ZFAT: variants seen among roughly 807,000 people sequenced by gnomAD.
The protein encoded by ZFAT is zinc finger protein ZFAT.
In ZFAT, 64 loss-of-function variants were observed where a neutral mutation model predicts 117.7. The ratio of observed to expected loss-of-function variants is 0.54; its 90% confidence interval spans 0.44 to 0.67. The LOEUF (loss-of-function observed/expected upper bound fraction) is 0.67, where lower values mean the gene tolerates loss of function less well. Among genes scored for constraint, ZFAT ranks in the 30% least tolerant of loss-of-function variants. The pLI, the probability that ZFAT is intolerant of heterozygous loss-of-function variation, is 0.00. For missense variants in ZFAT, 1,433 were observed against 1,584.5 expected (o/e 0.90, Z 1.62); for synonymous variants, 679 against 615.0 (o/e 1.10, Z -1.54).
chr8:134,713,704 T>C (rs929713726), upstream of ZFAT, among the ~76,000 whole-genome samples: 2 of 152,152 alleles, frequency 1.3e-5, no homozygotes, highest in African/African-American at 4.8e-5. Flanking sequence ...CTGGTGGAAA[T>C]TTAATGACTT....
At chr8:134,582,830 T>G (rs1238937780) in intron 10 of ZFAT, among the ~76,000 whole-genome samples, 1 of 152,230 alleles carries the variant, frequency 6.6e-6, no homozygotes, top group Non-Finnish European at 1.5e-5. Context: ...AAGAGCTATA[T>G]CATCCACTAA....
At chr8:134,711,060 T>C (rs1159550429) in intron 1 of ZFAT, among the ~76,000 whole-genome samples, 1 of 152,262 alleles carries the variant, frequency 6.6e-6, no homozygotes, top group African/African-American at 2.4e-5. Flanking sequence ...TGGCTTTAAG[T>C]CTGCTGTTCA....
intron 3 of ZFAT, among the ~76,000 whole-genome samples, chr8:134,632,629 T>A (rs1264317114): frequency 6.6e-6 from 1 of 151,656 alleles, no homozygotes; most frequent in Non-Finnish European, 1.5e-5. Flanking sequence ...TAAACTATGA[T>A]AAAAGGGCAA....
the ZFAT span, among the ~76,000 whole-genome samples, chr8:134,802,483 G>C: frequency 6.6e-6 from 1 of 152,156 alleles, no homozygotes; most frequent in Non-Finnish European, 1.5e-5. Context: ...CTGAGGTGTG[G>C]AGATCAATGA....
chr8:134,578,285 C>T (rs1278201277), intron 10 of ZFAT, among the ~76,000 whole-genome samples: 1 of 151,754 alleles, frequency 6.6e-6, no homozygotes, highest in Non-Finnish European at 1.5e-5. Flanking sequence ...GTGGTGGGTG[C>T]CTGTAATCCC....
At chr8:134,810,223 T>C in the ZFAT span, among the ~76,000 whole-genome samples, 1 of 152,210 alleles carries the variant, frequency 6.6e-6, no homozygotes, top group Non-Finnish European at 1.5e-5. Flanking sequence ...TAAGTATATT[T>C]AATTTTCAAA....
chr8:134,695,469 C>T lies in ZFAT; in HGVS notation c.19+17376G>A, dbSNP rs192556753. Among the ~76,000 whole-genome samples the T allele has an allele frequency of 5.9e-3, 893 of 150,962 alleles. 10 individuals carry two copies. Among genetic ancestry groups the T allele is most frequent in the Non-Finnish European group, 8.2e-3 (557 of 67,624 alleles). On this transcript the variant is annotated intron_variant, in intron 1 of 15. Coordinates refer to ENST00000377838, the MANE Select transcript of ZFAT (RefSeq NM_020863.4). Reference sequence around the variant, plus strand: ...GGCCCGGCCATCTTAACCAAGATGGCGCCAGCCCCCAGGCCTGGGCCATCT... The same window carrying T: ...GGCCCGGCCATCTTAACCAAGATGGTGCCAGCCCCCAGGCCTGGGCCATCT...
chr8:134,814,955 G>T, the ZFAT span, among the ~76,000 whole-genome samples: 1 of 152,114 alleles, frequency 6.6e-6, no homozygotes, highest in African/African-American at 2.4e-5. Context: ...TAAAATCCAG[G>T]TTTATTTTTT....
At chr8:134,819,175 TTGCA>T in the ZFAT span, among the ~76,000 whole-genome samples, 3 of 152,016 alleles carry the variant, frequency 2.0e-5, no homozygotes, top group Admixed American at 2.0e-4. Context: ...GGTTACTTAC[TTGCA>T]ATAAAACTGC....
At chr8:134,599,506 C>G (rs1482453099) in intron 7 of ZFAT, 1 of 292,806 alleles carries the variant, frequency 3.4e-6, no homozygotes, top group Non-Finnish European at 6.6e-6. Flanking sequence ...TTGCCCAAGG[C>G]CACAGGGCCT....
the ZFAT span, among the ~76,000 whole-genome samples, chr8:134,745,064 T>G: frequency 6.6e-6 from 1 of 152,146 alleles, no homozygotes; most frequent in South Asian, 2.1e-4. Context: ...CTCGTCTAAT[T>G]TGCTCAGGAT....
chr8:134,793,783 A>C, the ZFAT span: 1 of 152,220 alleles, frequency 6.6e-6, no homozygotes, highest in Non-Finnish European at 1.5e-5. Flanking sequence ...ATCTAATCAA[A>C]TCCTCATTAC....
chr8:134,503,865 G>A (rs543212188), intron 15 of ZFAT, among the ~76,000 whole-genome samples: 62 of 152,108 alleles, frequency 4.1e-4, no homozygotes, highest in African/African-American at 1.5e-3. Context: ...CAGACATTGG[G>A]ATTTGTCAAC....
At chr8:134,673,120 T>A (rs1417302959) in intron 1 of ZFAT, 1 of 152,106 alleles carries the variant, frequency 6.6e-6, no homozygotes, top group Admixed American at 6.5e-5. Flanking sequence ...AAACTTCTGC[T>A]CTGAGATGTT....
chr8:134,580,789 T>G (rs1825661560), intron 10 of ZFAT, among the ~76,000 whole-genome samples: 2 of 152,178 alleles, frequency 1.3e-5, no homozygotes, highest in African/African-American at 2.4e-5. Context: ...AAACAAAGAT[T>G]CCAACCACAT....
intron 10 of ZFAT, among the ~76,000 whole-genome samples, chr8:134,574,367 G>A (rs1440242917): frequency 4.6e-5 from 7 of 152,168 alleles, no homozygotes; most frequent in African/African-American, 1.4e-4. Flanking sequence ...GCAGGCCACC[G>A]TGGGATCTAT....
chr8:134,517,427 C>T (rs760935988), intron 13 of ZFAT, among the ~76,000 whole-genome samples: 9 of 152,096 alleles, frequency 5.9e-5, no homozygotes, highest in Non-Finnish European at 1.2e-4. Flanking sequence ...TTTGTAACTG[C>T]TTTACTTTGA....
At chr8:134,535,248 G>C (rs1267137809) in intron 11 of ZFAT, among the ~76,000 whole-genome samples, 1 of 152,038 alleles carries the variant, frequency 6.6e-6, no homozygotes, top group Non-Finnish European at 1.5e-5. Flanking sequence ...ATGTTTTGTT[G>C]GGTCCTCTCT....
the ZFAT span, among the ~76,000 whole-genome samples, chr8:134,744,747 T>TTTTTTG: frequency 6.7e-6 from 1 of 148,378 alleles, no homozygotes; most frequent in African/African-American, 2.5e-5. Context: ...TTTTTTTTTT[T>TTTTTTG]GAGACGGAGG....
Sources: gnomAD v4.1 joint callset for allele counts (sites outside exome capture counted in the v4.1 genomes callset) on GRCh38, gnomAD v4.1.1 for gene constraint, MANE v1.5 for transcripts, NCBI Gene and HGNC (gene_info 2026-07-23, HGNC 2026-07-21) for gene names.